TENM4: variants seen among roughly 807,000 people sequenced by gnomAD.
The protein encoded by TENM4 is teneurin transmembrane protein 4, also known as teneurin-4.
TENM4 carries 82 observed loss-of-function variants against 243.3 expected under a neutral mutation model. That is an observed-to-expected ratio of 0.34 (90% CI 0.28 to 0.40). The LOEUF (loss-of-function observed/expected upper bound fraction) is 0.40. Among genes scored for constraint, TENM4 ranks in the 10% least tolerant of loss-of-function variants. The pLI, the probability that TENM4 is intolerant of heterozygous loss-of-function variation, is 1.00. For synonymous variants in TENM4, 1,412 were observed against 1,456.3 expected, an observed-to-expected ratio of 0.97 and a Z score of 0.69; for missense variants, 3,138 against 3,673.3, an observed-to-expected ratio of 0.85 and a Z score of 3.77.
rs78505863 is a variant in TENM4, at chr11:79,124,077, G to C, written c.-66+24633C>G. Among the ~76,000 whole-genome samples the C allele has an allele frequency of 1.9e-3, 282 of 152,176 alleles. 1 individual carries two copies. The highest frequency in any genetic ancestry group is 6.5e-3 in the African/African-American group (271 of 41,520). On this transcript the variant is annotated intron_variant, in intron 4 of 33. Transcript: ENST00000278550. ...TACCTACTATGTCAAATTCATATTG[G>C]GTTTTGACTGTGGGTCCGTTGGCAG...
intron 12 of TENM4, among the ~76,000 whole-genome samples, chr11:78,828,714 T>C (rs982591971): frequency 6.6e-6 from 1 of 152,274 alleles, no homozygotes; most frequent in Non-Finnish European, 1.5e-5. Context: ...TCTAGCCACC[T>C]AGGCAGATAC....
chr11:79,214,017 A>AATCT (rs1864000474), intron 3 of TENM4, among the ~76,000 whole-genome samples: 1 of 76,200 alleles, frequency 1.3e-5, no homozygotes, highest in Non-Finnish European at 3.6e-5. Flanking sequence ...TTTGAGGTGG[A>AATCT]GTCTCTGTCT....
chr11:79,036,780 G>A (rs527547331), intron 6 of TENM4, among the ~76,000 whole-genome samples: 9 of 152,254 alleles, frequency 5.9e-5, no homozygotes, highest in African/African-American at 7.2e-5. Context: ...GGGAGGCCAA[G>A]GCAGGAGGAT....
intron 20 of TENM4, among the ~76,000 whole-genome samples, chr11:78,738,174 T>A (rs1290176510): frequency 6.6e-6 from 1 of 152,214 alleles, no homozygotes; most frequent in Non-Finnish European, 1.5e-5. Context: ...CATGACTGTT[T>A]TATATCATAA....
chr11:78,960,680 G>A lies in TENM4; in HGVS notation c.494-57157C>T, dbSNP rs1277910607. ...CAAGTCCTGTAAGTGCCTCCTTTAG[G>A]AGGCATTTCCTAATTCTCTTAGGCA... is the stretch of plus-strand genomic sequence containing the variant. On this transcript the variant is annotated intron_variant, in intron 6 of 33. Transcript: ENST00000278550. Among the ~76,000 whole-genome samples the A allele has an allele frequency of 2.6e-5, 4 of 152,248 alleles. No individual in the cohort carries two copies. The East Asian group carries it at 7.7e-4, about 29-fold the overall frequency.
chr11:78,954,833 A>G (rs1027238754), intron 6 of TENM4, among the ~76,000 whole-genome samples: 1 of 152,266 alleles, frequency 6.6e-6, no homozygotes, highest in African/African-American at 2.4e-5. Flanking sequence ...ACAGTGACAC[A>G]GAAATGAATA....
intron 2 of TENM4, among the ~76,000 whole-genome samples, chr11:79,228,554 C>T (rs1002576542): frequency 6.6e-6 from 1 of 152,066 alleles, no homozygotes; most frequent in Non-Finnish European, 1.5e-5. Flanking sequence ...CCCACCCACG[C>T]AGACACACGT....
intron 28 of TENM4, among the ~76,000 whole-genome samples, chr11:78,699,277 A>G (rs1035468667): frequency 6.6e-6 from 1 of 152,182 alleles, no homozygotes; most frequent in African/African-American, 2.4e-5. Flanking sequence ...TGTCATCCCT[A>G]TCGTACAGAT....
chr11:78,880,318 G>A (rs1199479462), intron 9 of TENM4, among the ~76,000 whole-genome samples: 1 of 152,144 alleles, frequency 6.6e-6, no homozygotes, highest in Non-Finnish European at 1.5e-5. Flanking sequence ...AAACACTGCG[G>A]AAGGCCGCAG....
intron 22 of TENM4, among the ~76,000 whole-genome samples, chr11:78,727,142 G>A (rs1005386232): frequency 6.6e-6 from 1 of 152,130 alleles, no homozygotes; most frequent in Non-Finnish European, 1.5e-5. Context: ...GTTATATATG[G>A]TAATTTGCAT....
intron 4 of TENM4, among the ~76,000 whole-genome samples, chr11:79,145,162 T>A (rs1015765780): frequency 6.6e-6 from 1 of 152,132 alleles, no homozygotes; most frequent in African/African-American, 2.4e-5. Flanking sequence ...GACATGTAAC[T>A]GAAGTTTCAC....
chr11:79,175,690 T>C (rs1339873047), intron 3 of TENM4, among the ~76,000 whole-genome samples: 1 of 152,250 alleles, frequency 6.6e-6, no homozygotes, highest in Non-Finnish European at 1.5e-5. Context: ...GGTATGGTAA[T>C]AGCTACTTTT....
At chr11:79,153,300 T>C (rs552065877) in intron 3 of TENM4, among the ~76,000 whole-genome samples, 1 of 152,218 alleles carries the variant, frequency 6.6e-6, no homozygotes, top group African/African-American at 2.4e-5. Flanking sequence ...TATTAGATGA[T>C]TCTTCTTGTG....
intron 32 of TENM4, among the ~76,000 whole-genome samples, chr11:78,668,620 A>C (rs970708130): frequency 1.3e-5 from 2 of 152,194 alleles, no homozygotes; most frequent in African/African-American, 4.8e-5. Flanking sequence ...TTACGGTCAA[A>C]TAAGTTTGAG....
intron 6 of TENM4, among the ~76,000 whole-genome samples, chr11:79,057,922 G>T (rs1337756962): frequency 1.3e-5 from 2 of 152,090 alleles, no homozygotes; most frequent in Admixed American, 6.5e-5. Context: ...GTCCTTTCCA[G>T]CCCTCAAAAC....
At chr11:79,416,315 A>G (rs1480650903) in intron 1 of TENM4, among the ~76,000 whole-genome samples, 1 of 152,196 alleles carries the variant, frequency 6.6e-6, no homozygotes, top group East Asian at 1.9e-4. Context: ...AGAAGCTGCC[A>G]AGCTGTTCTC....
intron 4 of TENM4, among the ~76,000 whole-genome samples, chr11:79,084,699 G>A (rs1860762617): frequency 1.3e-5 from 2 of 151,196 alleles, no homozygotes; most frequent in African/African-American, 4.8e-5. Flanking sequence ...GTAGTTAGGG[G>A]GTTAGGGATG....
intron 6 of TENM4, among the ~76,000 whole-genome samples, chr11:78,916,702 A>G (rs1161164462): frequency 1.3e-5 from 2 of 152,088 alleles, no homozygotes; most frequent in African/African-American, 2.4e-5. Context: ...TAATTTCTCC[A>G]TTTTGCAGAT....
At position 79,074,825 on chromosome 11, in the gene TENM4, T is replaced by G. The variant is rs139818605; in HGVS notation, c.-65-4816A>C. Among the ~76,000 whole-genome samples, 482 of 152,254 alleles carry G rather than the reference T, an allele frequency of 3.2e-3. 5 individuals are homozygous for G. The highest frequency in any genetic ancestry group is 0.011 in the African/African-American group (466 of 41,534). On this transcript the variant is annotated intron_variant, in intron 4 of 33. Transcript: ENST00000278550. ...GCCTTCTCTGACAGGTAGCCCCTCC[T>G]CCAGGCCTCCGCTTCATACTGGGCT...
Sources: allele counts gnomAD v4.1 joint callset (sites outside exome capture counted in the v4.1 genomes callset), GRCh38; gene constraint gnomAD v4.1.1; transcripts MANE v1.5; gene names NCBI Gene and HGNC (gene_info 2026-07-23, HGNC 2026-07-21).